The following RBFOX3 variants were observed in gnomAD, a reference collection of about 807,000 sequenced individuals.
RBFOX3 encodes RNA binding protein fox-1 homolog 3.
RBFOX3 carries 17 observed loss-of-function variants against 48.7 expected under a neutral mutation model. That is an observed-to-expected ratio of 0.35 (90% CI 0.24 to 0.52). The LOEUF (loss-of-function observed/expected upper bound fraction) is 0.52, where lower values mean the gene tolerates loss of function less well. RBFOX3 is among the 20% of genes least tolerant of loss of function. The pLI is 0.94. For missense variants in RBFOX3, 382 were observed against 497.5 expected (o/e 0.77, Z 2.21); for synonymous variants, 212 against 209.5 (o/e 1.01, Z -0.10).
At chr17:79,358,736 C>T (rs932471205) in intron 2 of RBFOX3, among the ~76,000 whole-genome samples, 5 of 152,214 alleles carry the variant, frequency 3.3e-5, no homozygotes, top group African/African-American at 1.2e-4. Flanking sequence ...GCTGGGATTA[C>T]AGGTGTGAGC....
At chr17:79,407,042 T>C (rs970341312) in intron 2 of RBFOX3, among the ~76,000 whole-genome samples, 1 of 152,220 alleles carries the variant, frequency 6.6e-6, no homozygotes, top group Non-Finnish European at 1.5e-5. Flanking sequence ...GAAGTTTCGC[T>C]CTTGTCGCCC....
At chr17:79,104,924 A>ACGGTGACCTGAACCCAGGCCCTGT (rs55759994) in intron 6 of RBFOX3, among the ~76,000 whole-genome samples, 30 of 152,010 alleles carry the variant, frequency 2.0e-4, no homozygotes, top group Admixed American at 2.0e-3. Context: ...GTGCTGAGCA[A>ACGGTGACCTGAACCCAGGCCCTGT]CTGTTCAGGT....
intron 2 of RBFOX3, among the ~76,000 whole-genome samples, chr17:79,319,073 G>A (rs1467029754): frequency 1.3e-5 from 2 of 151,802 alleles, no homozygotes; most frequent in East Asian, 1.9e-4. Context: ...AGACATGAGG[G>A]TGGGCGGAGG....
chr17:79,380,181 A>G (rs1734654810), intron 2 of RBFOX3, among the ~76,000 whole-genome samples: 1 of 139,742 alleles, frequency 7.2e-6, no homozygotes, highest in Non-Finnish European at 1.6e-5. Context: ...ACAAATCTCC[A>G]CAATCCCCCC....
the RBFOX3 span, among the ~76,000 whole-genome samples, chr17:79,645,922 C>T: frequency 2.0e-5 from 3 of 152,188 alleles, no homozygotes; most frequent in African/African-American, 4.8e-5. Flanking sequence ...TGCAATAATT[C>T]GACATCCTTG....
At chr17:79,428,924 A>G (rs1273677169) in intron 2 of RBFOX3, among the ~76,000 whole-genome samples, 1 of 152,232 alleles carries the variant, frequency 6.6e-6, no homozygotes, top group African/African-American at 2.4e-5. Flanking sequence ...CCCTTGCTCC[A>G]TGGACAGAGT....
chr17:79,293,455 CCTT>C (rs1567990201), intron 3 of RBFOX3, among the ~76,000 whole-genome samples: 13 of 90,242 alleles, frequency 1.4e-4, no homozygotes, highest in African/African-American at 5.8e-4. Flanking sequence ...TTCCTTCCTT[CCTT>C]CCTTCCTTCC....
Position 79,561,026 on chromosome 17 carries a change from C to T in RBFOX3, c.-320+49800G>A, listed in dbSNP as rs899138499. ...GCTCCCCACCAGACAGAGCTGGGGG[C>T]GCCTGGCCTCTCCCACAATCAGCTG... is the stretch of plus-strand genomic sequence containing the variant. On this transcript the variant is annotated intron_variant, in intron 1 of 14. Coordinates refer to ENST00000693108, the MANE Select transcript of RBFOX3 (RefSeq NM_001350451.2). 2.4e-4 allele frequency among the ~76,000 whole-genome samples: 36 copies of T among 152,260 alleles called. No homozygotes were observed. The East Asian group carries it at 2.9e-3, about 12-fold the overall frequency.
intron 2 of RBFOX3, among the ~76,000 whole-genome samples, chr17:79,375,172 A>C (rs1320615176): frequency 6.6e-6 from 1 of 152,210 alleles, no homozygotes; most frequent in Non-Finnish European, 1.5e-5. Flanking sequence ...TCATTTGGTC[A>C]AGACAAGTTT....
rs2145572155 is a variant in RBFOX3 at position 79,610,870 on chromosome 17, T to C, written c.-364A>G. 6.6e-6 allele frequency among the ~76,000 whole-genome samples: 1 copy of C among 151,626 alleles called. No individual in the cohort carries two copies. Among genetic ancestry groups the C allele is most frequent in the East Asian group, 2.0e-4 (1 of 5,064 alleles). On this transcript the variant is annotated 5_prime_UTR_variant, in exon 1 of 15. An upstream start codon of the reference 5' UTR is lost. Coordinates refer to ENST00000693108, the MANE Select transcript of RBFOX3 (RefSeq NM_001350451.2). ...GCAGGTGACTGGGGGCCGGCGGCCA[T>C]GCCCCGGCTGCATCCCGGCCGCCGA... is the stretch of plus-strand genomic sequence containing the variant.
At chr17:79,632,166 A>G in the RBFOX3 span, among the ~76,000 whole-genome samples, 4 of 152,260 alleles carry the variant, frequency 2.6e-5, no homozygotes, top group South Asian at 8.3e-4. Flanking sequence ...ATTTACTGGG[A>G]TCACTGAAGA....
chr17:79,278,884 G>C (rs1411374519), intron 3 of RBFOX3, among the ~76,000 whole-genome samples: 2 of 152,228 alleles, frequency 1.3e-5, no homozygotes, highest in Non-Finnish European at 2.9e-5. Context: ...GGGAGGAGAG[G>C]CAGGGGAGTG....
chr17:79,392,805 G>A lies in RBFOX3; in HGVS notation c.-174-84981C>T, dbSNP rs1191293980. Reference sequence around the variant, plus strand: ...GCAATTGCTACAGATCTCTGATGTGGGGTTGTTTGTTACTGAGCATAACCT... The same window carrying A: ...GCAATTGCTACAGATCTCTGATGTGAGGTTGTTTGTTACTGAGCATAACCT... On this transcript the variant is annotated intron_variant, in intron 2 of 14. Transcript: ENST00000693108. This position sits in a 1 kb window ranked among gnomAD's most constrained non-coding sequence, Gnocchi z 5.0. Among the ~76,000 whole-genome samples the A allele has an allele frequency of 6.6e-6, 1 of 152,156 alleles. No individual in the cohort carries two copies. Among genetic ancestry groups the A allele is most frequent in the Non-Finnish European group, 1.5e-5 (1 of 68,032 alleles).
At chr17:79,469,429 C>T (rs1404760859) in intron 2 of RBFOX3, among the ~76,000 whole-genome samples, 2 of 152,188 alleles carry the variant, frequency 1.3e-5, no homozygotes, top group African/African-American at 4.8e-5. Flanking sequence ...GGAGAGGACC[C>T]CACTCCACGT....
At chr17:79,431,487 AT>A (rs10633689) in intron 2 of RBFOX3, among the ~76,000 whole-genome samples, 19 of 121,396 alleles carry the variant, frequency 1.6e-4, no homozygotes, top group African/African-American at 4.5e-4. Flanking sequence ...TGCCTGGCTA[AT>A]TTTTTTTTTT....
chr17:79,605,409 C>A (rs935211914), intron 1 of RBFOX3, among the ~76,000 whole-genome samples: 2 of 152,136 alleles, frequency 1.3e-5, no homozygotes, highest in Non-Finnish European at 2.9e-5. Context: ...AATAGACATA[C>A]CCGGCCACCT....
At chr17:79,255,134 C>T (rs1288782119) in intron 3 of RBFOX3, among the ~76,000 whole-genome samples, 1 of 152,092 alleles carries the variant, frequency 6.6e-6, no homozygotes, top group Non-Finnish European at 1.5e-5. Flanking sequence ...TCCTATGGGG[C>T]CTACCCAGGC....
At chr17:79,165,485 A>G (rs1002560433) in intron 4 of RBFOX3, among the ~76,000 whole-genome samples, 12 of 151,980 alleles carry the variant, frequency 7.9e-5, no homozygotes, top group Non-Finnish European at 1.5e-4. Context: ...CCTCTGGGGG[A>G]CAGGTGGCGG....
intron 3 of RBFOX3, among the ~76,000 whole-genome samples, chr17:79,291,022 C>T (rs2073156252): frequency 6.6e-6 from 1 of 152,210 alleles, no homozygotes; most frequent in Admixed American, 6.5e-5. Flanking sequence ...TGCTTCCCAC[C>T]CCTCTCCTGG....
Sources: gnomAD v4.1 joint callset for allele counts (sites outside exome capture counted in the v4.1 genomes callset) on GRCh38, gnomAD v4.1.1 for gene constraint, Gnocchi (gnomAD v3.1) non-coding constraint, MANE v1.5 for transcripts, NCBI Gene and HGNC (gene_info 2026-07-23, HGNC 2026-07-21) for gene names.